The following TRAF3IP1 variants were observed in gnomAD, a reference collection of about 807,000 sequenced individuals.
The protein encoded by TRAF3IP1 is TRAF3-interacting protein 1.
A neutral mutation model predicts 89.9 loss-of-function variants in TRAF3IP1; 53 were observed. The observed-to-expected ratio is 0.59, with a 90% CI of 0.47 to 0.74. The LOEUF is 0.74. Ranked by LOEUF, TRAF3IP1 falls within the 30% of genes least tolerant of loss-of-function variation. The pLI, the probability that TRAF3IP1 is intolerant of heterozygous loss-of-function variation, is 0.00. For synonymous variants in TRAF3IP1, 311 were observed against 322.1 expected (o/e 0.97, Z 0.37); for missense variants, 806 against 866.1 (o/e 0.93, Z 0.87).
chr2:238,370,784 C>T (rs1011930392), intron 15 of TRAF3IP1, among the ~76,000 whole-genome samples: 11 of 152,066 alleles, frequency 7.2e-5, no homozygotes, highest in African/African-American at 1.2e-4. Flanking sequence ...TGAATTTCAT[C>T]GCCAGTTGAA....
intron 15 of TRAF3IP1, among the ~76,000 whole-genome samples, chr2:238,392,151 G>A (rs1701019176): frequency 1.3e-5 from 2 of 152,110 alleles, no homozygotes; most frequent in East Asian, 1.9e-4. Context: ...CAGGAGAATC[G>A]CTTGAGCCCA....
In TRAF3IP1 at chr2:238,351,862, T is replaced by TGCGCGCGCGCGCGCGC. The variant is rs1178590570; in HGVS notation, c.1452-964_1452-963insCGCGCGCGCGCGCGCG. ...GTGTGTGTGTGTGTGTGTGTGTGTG[T>TGCGCGCGCGCGCGCGC]GTGTGCGCGCGCGCGCGTGTGCGTG... is the stretch of plus-strand genomic sequence containing the variant. On this transcript the variant is annotated intron_variant, in intron 12 of 16. Coordinates refer to ENST00000373327, the MANE Select transcript of TRAF3IP1 (RefSeq NM_015650.4). The surrounding 1 kb of genome is among the most constrained non-coding windows in gnomAD (Gnocchi z 5.2). 1.0e-5 allele frequency among the ~76,000 whole-genome samples: 1 copy of TGCGCGCGCGCGCGCGC among 95,432 alleles called. No individual in the cohort carries two copies. Among genetic ancestry groups the TGCGCGCGCGCGCGCGC allele is most frequent in the Non-Finnish European group, 2.0e-5 (1 of 50,738 alleles). The allele number at this position is 95,432 out of a possible 152,430, so 62.6% of individuals were successfully genotyped here.
chr2:238,399,108 C>A lies in TRAF3IP1; in HGVS notation c.*189C>A. 1 of 545,202 alleles carries A rather than the reference C, an allele frequency of 1.8e-6. No homozygotes were observed. The highest frequency in any genetic ancestry group is 3.1e-6 in the Non-Finnish European group (1 of 325,464). 33.8% of individuals were successfully genotyped at this position (545,202 alleles called of 1,614,324 possible). ...GTATTAAAAAAACCATGTTTTCTTA[C>A]CTCCTTCCAGATGGAATACTGGCTA... On this transcript the variant is annotated 3_prime_UTR_variant, in exon 17 of 17. Transcript: ENST00000373327.
Position 238,348,750 on chromosome 2 carries a change from T to G in TRAF3IP1, c.1283-14T>G. ...TTTCCTTTGTGAATTGCTAATTGAT[T>G]GTCATTTGTTTAGAAGGAGATGCTG... On this transcript the variant is annotated splice_polypyrimidine_tract_variant and intron_variant, in intron 10 of 16. Coordinates refer to ENST00000373327, the MANE Select transcript of TRAF3IP1 (RefSeq NM_015650.4). The G allele has an allele frequency of 6.2e-7, 1 of 1,611,808 alleles. No homozygotes were observed. The highest frequency in any genetic ancestry group is 1.1e-5 in the South Asian group (1 of 91,010).
In TRAF3IP1 at chr2:238,329,352, T is replaced by C. The variant is rs753184553; in HGVS notation, c.915+10T>C. 20 of 1,350,176 alleles carry C rather than the reference T, an allele frequency of 1.5e-5. No homozygotes were observed. The highest frequency in any genetic ancestry group is 2.8e-5 in the Admixed American group (1 of 35,656). 83.6% of individuals were successfully genotyped at this position (1,350,176 alleles called of 1,614,324 possible). A position where few individuals can be genotyped will look rare whatever the true frequency, so the allele number is the denominator to read the frequency against. ...CAAACCTGAGAAAAAGGTAAAGTCT[T>C]GCTGAGAACCTCGCCTTTTGCTTAG... On this transcript the variant is annotated intron_variant, in intron 5 of 16. Coordinates refer to ENST00000373327, the MANE Select transcript of TRAF3IP1 (RefSeq NM_015650.4).
chr2:238,369,492 A>AT (rs983422619), intron 15 of TRAF3IP1, among the ~76,000 whole-genome samples: 49 of 152,210 alleles, frequency 3.2e-4, no homozygotes, highest in Non-Finnish European at 3.2e-4. Flanking sequence ...TCTTCCCTTG[A>AT]TTTGGCCTTG....
At chr2:238,396,853 C>A (rs1041181328) in intron 15 of TRAF3IP1, among the ~76,000 whole-genome samples, 1 of 152,182 alleles carries the variant, frequency 6.6e-6, no homozygotes, top group African/African-American at 2.4e-5. Flanking sequence ...ACGTCTAAGT[C>A]GACCTGACCA....
chr2:238,337,748 G>T (rs901265182), intron 7 of TRAF3IP1, among the ~76,000 whole-genome samples: 11 of 152,256 alleles, frequency 7.2e-5, no homozygotes, highest in African/African-American at 2.4e-4. Context: ...CTCCTAGGGG[G>T]TGGCCTTTAT....
At chr2:238,369,496 G>A (rs1213247232) in intron 15 of TRAF3IP1, among the ~76,000 whole-genome samples, 1 of 152,140 alleles carries the variant, frequency 6.6e-6, no homozygotes, top group Non-Finnish European at 1.5e-5. Flanking sequence ...CCCTTGATTT[G>A]GCCTTGACAG....
At chr2:238,326,107 A>G in intron 3 of TRAF3IP1, 137 bp downstream of exon 3, 1 of 762,508 alleles carries the variant, frequency 1.3e-6, no homozygotes, top group Non-Finnish European at 2.1e-6. Context: ...TTTGAATCTG[A>G]TCCCACCCCT....
chr2:238,355,670 T>C (rs1413835415), intron 14 of TRAF3IP1, among the ~76,000 whole-genome samples: 1 of 152,250 alleles, frequency 6.6e-6, no homozygotes, highest in Non-Finnish European at 1.5e-5. Context: ...GCATTTCTTG[T>C]TATTTCTGTT....
intron 15 of TRAF3IP1, among the ~76,000 whole-genome samples, chr2:238,368,100 A>G (rs747140639): frequency 1.1e-4 from 16 of 152,100 alleles, no homozygotes; most frequent in Non-Finnish European, 2.1e-4. Context: ...GTTCCCATCT[A>G]TTATTCCTTG....
chr2:238,378,307 A>G (rs1317625374), intron 15 of TRAF3IP1, among the ~76,000 whole-genome samples: 1 of 152,210 alleles, frequency 6.6e-6, no homozygotes, highest in East Asian at 1.9e-4. Flanking sequence ...TTTTATGACT[A>G]TAAATTATCA....
At chr2:238,395,805 T>G (rs1307547676) in intron 15 of TRAF3IP1, among the ~76,000 whole-genome samples, 3 of 152,160 alleles carry the variant, frequency 2.0e-5, no homozygotes, top group South Asian at 2.1e-4. Context: ...CCATCAGAGA[T>G]ATGCAAATCA....
intron 15 of TRAF3IP1, among the ~76,000 whole-genome samples, chr2:238,365,680 A>C (rs1386685631): frequency 6.6e-6 from 1 of 151,944 alleles, no homozygotes; most frequent in African/African-American, 2.4e-5. Context: ...AAAAATAAAA[A>C]TAAATAAATA....
At chr2:238,327,747 C>T (rs1394467812) in intron 3 of TRAF3IP1, among the ~76,000 whole-genome samples, 2 of 152,218 alleles carry the variant, frequency 1.3e-5, no homozygotes, top group East Asian at 1.9e-4. Flanking sequence ...CCTCTTCTCC[C>T]GTACCCCAGC....
At chr2:238,371,325 T>C (rs1456159273) in intron 15 of TRAF3IP1, among the ~76,000 whole-genome samples, 1 of 152,208 alleles carries the variant, frequency 6.6e-6, no homozygotes, top group African/African-American at 2.4e-5. Context: ...AAAACAATCC[T>C]ACAAGTATAT....
At chr2:238,344,455 G>A (rs1027391199) in intron 8 of TRAF3IP1, 42 bp from the exon 9 acceptor site, 2 of 1,504,444 alleles carry the variant, frequency 1.3e-6, no homozygotes, top group Non-Finnish European at 9.2e-7. Context: ...CGGCCCTTTG[G>A]TGTACAGTCT....
At position 238,379,106 on chromosome 2, in the gene TRAF3IP1, C is replaced by T. The variant is rs760084127; in HGVS notation, c.1690-18353C>T. Among the ~76,000 whole-genome samples, 13 of 152,302 alleles carry T rather than the reference C, an allele frequency of 8.5e-5. No individual in the cohort carries two copies. The highest frequency in any genetic ancestry group is 1.5e-4 in the Non-Finnish European group (10 of 68,030). On this transcript the variant is annotated intron_variant, in intron 15 of 16. Coordinates refer to ENST00000373327, the MANE Select transcript of TRAF3IP1 (RefSeq NM_015650.4). The surrounding 1 kb of genome is among the most constrained non-coding windows in gnomAD (Gnocchi z 4.0). ...CAGACTTGTTCTCCTTGTTTCCTGT[C>T]GACTCACTCTTTGGTCGTCTGTGTG...
Sources: allele counts gnomAD v4.1 joint callset (sites outside exome capture counted in the v4.1 genomes callset), GRCh38; gene constraint gnomAD v4.1.1; non-coding constraint Gnocchi (gnomAD v3.1); transcripts MANE v1.5; gene names NCBI Gene and HGNC (gene_info 2026-07-23, HGNC 2026-07-21).